Variants in TFB1M observed in about 807,000 individuals in gnomAD.
TFB1M encodes dimethyladenosine transferase 1, mitochondrial.
In TFB1M, 27 loss-of-function variants were observed where a neutral mutation model predicts 31.1. The observed-to-expected ratio is 0.87, with a 90% CI of 0.64 to 1.20. The LOEUF (loss-of-function observed/expected upper bound fraction) is 1.20, where lower values mean the gene tolerates loss of function less well. Ranked by LOEUF, TFB1M falls within the 50% of genes most tolerant of loss-of-function variation. The pLI is 0.00. For synonymous variants in TFB1M, 166 were observed against 151.8 expected, an observed-to-expected ratio of 1.09 and a Z score of -0.69; for missense variants, 394 against 418.7, an observed-to-expected ratio of 0.94 and a Z score of 0.51.
the TFB1M span, among the ~76,000 whole-genome samples, chr6:155,231,182 T>C: frequency 6.6e-6 from 1 of 152,178 alleles, no homozygotes; most frequent in Non-Finnish European, 1.5e-5. Context: ...CCTTCTCTTC[T>C]GGTCAGCAGA....
At position 155,257,297 on chromosome 6, in the gene TFB1M, G is replaced by T; in HGVS notation, c.*539C>A. 1 of 723,694 alleles carries T rather than the reference G, an allele frequency of 1.4e-6. No individual in the cohort carries two copies. The highest frequency in any genetic ancestry group is 2.8e-5 in the East Asian group (1 of 35,702). The allele number at this position is 723,694 out of a possible 1,614,324, so 44.8% of individuals were successfully genotyped here. On this transcript the variant is annotated 3_prime_UTR_variant, in exon 7 of 7. Transcript: ENST00000367166. Reference sequence around the variant, plus strand: ...AGTTATTTTAATTTATTGTGGATCAGAAACCTAGATGAAACTGGTCAGAAT... The same window carrying T: ...AGTTATTTTAATTTATTGTGGATCATAAACCTAGATGAAACTGGTCAGAAT...
chr6:155,251,219 C>A (rs1360072714), downstream of TFB1M, among the ~76,000 whole-genome samples: 1 of 152,238 alleles, frequency 6.6e-6, no homozygotes, highest in Non-Finnish European at 1.5e-5. Context: ...GTTCTCCCTT[C>A]TGCTGCTTGG....
chr6:155,247,503 A>G, the TFB1M span, among the ~76,000 whole-genome samples: 1 of 151,878 alleles, frequency 6.6e-6, no homozygotes, highest in Non-Finnish European at 1.5e-5. Flanking sequence ...GAATTTTTGT[A>G]TTTTTAGTAG....
At chr6:155,250,019 C>A in the TFB1M span, 1 of 1,406,700 alleles carries the variant, frequency 7.1e-7, no homozygotes, top group Non-Finnish European at 9.8e-7. Flanking sequence ...GGTGTGGGGT[C>A]TGTAGGTGAC....
At chr6:155,250,598 G>C in the TFB1M span, 1 of 1,535,878 alleles carries the variant, frequency 6.5e-7, no homozygotes, top group African/African-American at 1.4e-5. Flanking sequence ...GCTTACAAAA[G>C]GCACTCTGGA....
chr6:155,248,037 C>T, the TFB1M span: 1 of 1,614,190 alleles, frequency 6.2e-7, no homozygotes. Flanking sequence ...TTCTGGACGC[C>T]CGGAACCCCA....
chr6:155,273,519 G>A (rs1353192456), intron 5 of TFB1M, among the ~76,000 whole-genome samples: 4 of 152,204 alleles, frequency 2.6e-5, no homozygotes, highest in African/African-American at 9.6e-5. Flanking sequence ...ATCTGAAGCT[G>A]AGCCATGTGG....
At chr6:155,275,787 C>T (rs1275635551) in intron 5 of TFB1M, 3 of 1,614,006 alleles carry the variant, frequency 1.9e-6, no homozygotes, top group South Asian at 1.1e-5. Context: ...GGAGTGCTCA[C>T]AGCCACTCTG....
chr6:155,254,680 G>A (rs1007774506), downstream of TFB1M: 19 of 1,410,046 alleles, frequency 1.3e-5, no homozygotes, highest in South Asian at 1.7e-4. Flanking sequence ...GTAAGTCATC[G>A]AGGTACCTTT....
At chr6:155,231,225 A>C in the TFB1M span, among the ~76,000 whole-genome samples, 1 of 152,204 alleles carries the variant, frequency 6.6e-6, no homozygotes, top group Non-Finnish European at 1.5e-5. Flanking sequence ...CAGCTGCTGC[A>C]TATGGCTCCT....
At chr6:155,281,573 T>A (rs547080842) in intron 5 of TFB1M, among the ~76,000 whole-genome samples, 1 of 151,916 alleles carries the variant, frequency 6.6e-6, no homozygotes, top group East Asian at 1.9e-4. Flanking sequence ...AATACAAAAC[T>A]TAGCGGGGCA....
At chr6:155,291,049 T>C (rs1776900130) in intron 4 of TFB1M, among the ~76,000 whole-genome samples, 1 of 152,212 alleles carries the variant, frequency 6.6e-6, no homozygotes, top group African/African-American at 2.4e-5. Flanking sequence ...TGAGCCATTC[T>C]GAAAAATGAT....
intron 5 of TFB1M, among the ~76,000 whole-genome samples, chr6:155,269,124 T>C (rs1304512613): frequency 6.6e-6 from 1 of 151,862 alleles, no homozygotes; most frequent in Non-Finnish European, 1.5e-5. Flanking sequence ...TTAATTTGTT[T>C]CCATAGCTTA....
In TFB1M at chr6:155,256,376, T is replaced by A; in HGVS notation, c.*1460A>T. 1.3e-6 allele frequency: 2 copies of A among 1,496,536 alleles called. No individual in the cohort carries two copies. The highest frequency in any genetic ancestry group is 1.8e-6 in the Non-Finnish European group (2 of 1,108,908). The allele number at this position is 1,496,536 out of a possible 1,614,324, so 92.7% of individuals were successfully genotyped here. ...AGGATAGTTGCTAACTGAAGTCATA[T>A]CATAAAATAAAATCTTAATGTTAAA... On this transcript the variant is annotated 3_prime_UTR_variant, in exon 7 of 7. Coordinates refer to ENST00000367166, the MANE Select transcript of TFB1M (RefSeq NM_016020.4).
chr6:155,284,929 G>A (rs965228508), intron 5 of TFB1M, among the ~76,000 whole-genome samples: 1 of 152,174 alleles, frequency 6.6e-6, no homozygotes, highest in African/African-American at 2.4e-5. Context: ...ACTGCCACCA[G>A]GATAACATGC....
the TFB1M span, among the ~76,000 whole-genome samples, chr6:155,249,305 A>G: frequency 6.6e-6 from 1 of 152,210 alleles, no homozygotes. Flanking sequence ...TCAGTCAGTC[A>G]TGTACTGGGG....
the TFB1M span, among the ~76,000 whole-genome samples, chr6:155,231,169 C>T: frequency 8.5e-5 from 13 of 152,132 alleles, no homozygotes; most frequent in South Asian, 2.1e-4. Context: ...CAGTAAATCA[C>T]GTCCTTCTCT....
In TFB1M at chr6:155,276,437, T is replaced by G. The variant is rs1416479942; in HGVS notation, c.666+8721A>C. The stretch of plus-strand genomic sequence containing the variant: ...TGGGTGCCAAATGGGACTTTTAGAT[T>G]AAAAAAAAATCAGAATTATGCTTAA... On this transcript the variant is annotated intron_variant, in intron 5 of 6. Coordinates refer to ENST00000367166, the MANE Select transcript of TFB1M (RefSeq NM_016020.4). 63 of 1,427,286 alleles carry G rather than the reference T, an allele frequency of 4.4e-5. 1 individual carries two copies. Among genetic ancestry groups the G allele is most frequent in the Non-Finnish European group, 3.8e-5 (40 of 1,051,424 alleles). The allele number at this position is 1,427,286 out of a possible 1,614,324, so 88.4% of individuals were successfully genotyped here.
At chr6:155,305,168 A>T (rs1159486160) in intron 2 of TFB1M, among the ~76,000 whole-genome samples, 2 of 94,594 alleles carry the variant, frequency 2.1e-5, no homozygotes, top group Non-Finnish European at 3.7e-5. Flanking sequence ...ATTAAATTAT[A>T]TATTTATATA....
Sources: gnomAD v4.1 joint callset for allele counts (sites outside exome capture counted in the v4.1 genomes callset) on GRCh38, gnomAD v4.1.1 for gene constraint, MANE v1.5 for transcripts, NCBI Gene and HGNC (gene_info 2026-07-23, HGNC 2026-07-21) for gene names.